LDB2: variants seen among roughly 807,000 people sequenced by gnomAD.
LDB2 encodes the protein LIM domain-binding protein 2.
LDB2 carries 12 observed loss-of-function variants against 44.3 expected under a neutral mutation model. The ratio of observed to expected loss-of-function variants is 0.27; its 90% CI spans 0.17 to 0.44. The LOEUF is 0.44. Ranked by LOEUF, LDB2 falls within the 20% of genes least tolerant of loss-of-function variation. The probability of loss-of-function intolerance (pLI) is 1.00; values close to 1 mark genes in which losing one functional copy is unlikely to be tolerated. For synonymous variants in LDB2, 164 were observed against 174.8 expected (o/e 0.94, Z 0.49); for missense variants, 344 against 473.5 (o/e 0.73, Z 2.54).
intron 5 of LDB2, among the ~76,000 whole-genome samples, chr4:16,561,519 A>T (rs1742258950): frequency 6.6e-6 from 1 of 152,228 alleles, no homozygotes; most frequent in South Asian, 2.1e-4. Flanking sequence ...AAGGGACGTG[A>T]AGGACCTCTT....
intron 1 of LDB2, among the ~76,000 whole-genome samples, chr4:16,855,536 T>C (rs149610958): frequency 2.6e-5 from 4 of 152,264 alleles, no homozygotes; most frequent in Non-Finnish European, 5.9e-5. Flanking sequence ...AAATTATAGT[T>C]ATTCAGATGT....
chr4:16,543,053 T>G (rs1734435060), intron 5 of LDB2, among the ~76,000 whole-genome samples: 1 of 151,866 alleles, frequency 6.6e-6, no homozygotes, highest in Admixed American at 6.6e-5. Context: ...GATAGTTTGC[T>G]CAGAATGATG....
intron 5 of LDB2, among the ~76,000 whole-genome samples, chr4:16,555,958 G>T (rs1739425499): frequency 6.6e-6 from 1 of 152,110 alleles, no homozygotes; most frequent in Non-Finnish European, 1.5e-5. Context: ...TGGAACCTCT[G>T]TTGGGATTGA....
chr4:16,857,767 G>T (rs554605385), intron 1 of LDB2, among the ~76,000 whole-genome samples: 1 of 152,208 alleles, frequency 6.6e-6, no homozygotes, highest in African/African-American at 2.4e-5. Context: ...CAGCAGTGAG[G>T]CTTTCTCTGA....
intron 2 of LDB2, among the ~76,000 whole-genome samples, chr4:16,656,198 C>G (rs769260149): frequency 1.3e-5 from 2 of 152,168 alleles, no homozygotes; most frequent in Non-Finnish European, 2.9e-5. Context: ...CCGCACCTGG[C>G]CCAAGAAAAC....
In LDB2 at chr4:16,626,944, A is replaced by G. The variant is rs114109314; in HGVS notation, c.236-31069T>C. ...AGCCATGAAAGGAGATCTGGACTAT[A>G]GACAAAGGATTCTCCAGAAACTGCA... On this transcript the variant is annotated intron_variant, in intron 2 of 7. Coordinates refer to ENST00000304523, the MANE Select transcript of LDB2 (RefSeq NM_001290.5). The G allele has an allele frequency of 1.8e-3, 279 of 152,354 alleles. 1 individual carries two copies. The highest frequency in any genetic ancestry group is 6.5e-3 in the African/African-American group (269 of 41,572). The allele number at this position is 152,354 out of a possible 1,614,324, so 9.4% of individuals were successfully genotyped here.
At chr4:16,803,045 G>A (rs1778152479) in intron 1 of LDB2, among the ~76,000 whole-genome samples, 1 of 152,170 alleles carries the variant, frequency 6.6e-6, no homozygotes, top group East Asian at 1.9e-4. Flanking sequence ...AAAGGCTACA[G>A]AGTTGGCATA....
intron 5 of LDB2, among the ~76,000 whole-genome samples, chr4:16,563,131 G>A (rs867237492): frequency 1.3e-5 from 2 of 151,628 alleles, no homozygotes; most frequent in Middle Eastern, 6.8e-3. Flanking sequence ...ACGAGTTAAT[G>A]GGTGCAGCAC....
Position 16,860,571 on chromosome 4 carries a change from T to A in LDB2, c.132+37783A>T, listed in dbSNP as rs564090701. Among the ~76,000 whole-genome samples, 5 of 152,324 alleles carry A rather than the reference T, an allele frequency of 3.3e-5. No individual in the cohort carries two copies. In the East Asian group the frequency reaches 9.7e-4, roughly 29 times the overall value. On this transcript the variant is annotated intron_variant, in intron 1 of 7. Coordinates refer to ENST00000304523, the MANE Select transcript of LDB2 (RefSeq NM_001290.5). ...CATCATCTCTGTGACCTCACGTAAG[T>A]CATTCAATATCTCTGGTCCAGGTTT...
At chr4:16,837,154 G>T (rs553566149) in intron 1 of LDB2, among the ~76,000 whole-genome samples, 1 of 152,324 alleles carries the variant, frequency 6.6e-6, no homozygotes, top group East Asian at 1.9e-4. Flanking sequence ...CTTGAGCCAT[G>T]AGTTTTCTCA....
At chr4:16,864,651 G>A (rs754609981) in intron 1 of LDB2, among the ~76,000 whole-genome samples, 7 of 152,190 alleles carry the variant, frequency 4.6e-5, no homozygotes, top group Admixed American at 1.3e-4. Flanking sequence ...CCGGTTGGGC[G>A]CAGTAGCTCA....
intron 1 of LDB2, among the ~76,000 whole-genome samples, chr4:16,881,619 T>TA (rs1554061934): frequency 6.6e-6 from 1 of 150,812 alleles, no homozygotes; most frequent in African/African-American, 2.4e-5. Context: ...TTTTTTTTTT[T>TA]AAGATTGACT....
At chr4:16,551,345 A>G (rs1737591924) in intron 5 of LDB2, among the ~76,000 whole-genome samples, 1 of 152,182 alleles carries the variant, frequency 6.6e-6, no homozygotes, top group African/African-American at 2.4e-5. Flanking sequence ...GGAAAACTGT[A>G]TCTTAACTGT....
At chr4:16,769,834 G>C (rs1479905549) in intron 1 of LDB2, among the ~76,000 whole-genome samples, 1 of 152,104 alleles carries the variant, frequency 6.6e-6, no homozygotes, top group Non-Finnish European at 1.5e-5. Flanking sequence ...CTTTTAGAAG[G>C]TGCTCACTAT....
At chr4:16,752,352 T>C in intron 2 of LDB2, 1 of 423,088 alleles carries the variant, frequency 2.4e-6, no homozygotes, top group South Asian at 1.7e-5. Context: ...AATCTCACCC[T>C]CTGTTGGACA....
At chr4:16,808,043 G>A (rs12172977) in intron 1 of LDB2, among the ~76,000 whole-genome samples, 4,732 of 152,108 alleles carry the variant, frequency 0.031, 184 homozygotes, top group African/African-American at 0.089. Context: ...GGAAAAAAAA[G>A]TATGAGAGAA....
intron 5 of LDB2, among the ~76,000 whole-genome samples, chr4:16,553,920 C>T (rs1738538628): frequency 1.3e-5 from 2 of 152,094 alleles, no homozygotes. Flanking sequence ...GAATTCATGC[C>T]CACACCCTCA....
intron 1 of LDB2, among the ~76,000 whole-genome samples, chr4:16,884,633 C>T (rs569023904): frequency 3.3e-5 from 5 of 152,174 alleles, no homozygotes; most frequent in Admixed American, 6.5e-5. Flanking sequence ...ACCTTCCTTC[C>T]CTGTAAATCC....
chr4:16,813,023 G>T (rs1018896970), intron 1 of LDB2, among the ~76,000 whole-genome samples: 1 of 151,762 alleles, frequency 6.6e-6, no homozygotes, highest in East Asian at 1.9e-4. Context: ...TTTGAGACAG[G>T]GTCTTGCTCT....
Sources: gnomAD v4.1 joint callset for allele counts (sites outside exome capture counted in the v4.1 genomes callset) on GRCh38, gnomAD v4.1.1 for gene constraint, MANE v1.5 for transcripts, NCBI Gene and HGNC (gene_info 2026-07-23, HGNC 2026-07-21) for gene names.